The following CDH18 variants were observed in gnomAD, a reference collection of about 807,000 sequenced individuals.
CDH18 encodes the protein cadherin 18.
CDH18 carries 31 observed loss-of-function variants against 67.9 expected under a neutral mutation model. The ratio of observed to expected loss-of-function variants is 0.46; its 90% confidence interval spans 0.34 to 0.62. The LOEUF (loss-of-function observed/expected upper bound fraction) is 0.62, where lower values mean the gene tolerates loss of function less well. CDH18 is among the 20% of genes least tolerant of loss of function. The probability of loss-of-function intolerance (pLI) is 0.01; values close to 1 mark genes in which losing one functional copy is unlikely to be tolerated. For missense variants in CDH18, 890 were observed against 975.5 expected (o/e 0.91, Z 1.17); for synonymous variants, 362 against 347.2 (o/e 1.04, Z -0.48).
intron 3 of CDH18, among the ~76,000 whole-genome samples, chr5:19,822,596 C>A (rs1287422644): frequency 6.6e-6 from 1 of 152,106 alleles, no homozygotes; most frequent in Non-Finnish European, 1.5e-5. Flanking sequence ...AGCCGCAAAA[C>A]CAGCAAGTTT....
intron 2 of CDH18, among the ~76,000 whole-genome samples, chr5:19,945,209 C>G (rs1002033829): frequency 6.6e-6 from 1 of 152,110 alleles, no homozygotes; most frequent in Non-Finnish European, 1.5e-5. Flanking sequence ...CCTACATGCT[C>G]CCTTCCACCT....
At chr5:19,768,199 C>T (rs1450553080) in intron 3 of CDH18, among the ~76,000 whole-genome samples, 1 of 152,092 alleles carries the variant, frequency 6.6e-6, no homozygotes, top group East Asian at 1.9e-4. Flanking sequence ...TTACCTAATG[C>T]AAATAGCTTT....
At position 20,496,318 on chromosome 5, in the gene CDH18, T is replaced by C. The variant is rs187232526; in HGVS notation, c.-580+79144A>G. 3.7e-3 allele frequency among the ~76,000 whole-genome samples: 561 copies of C among 152,206 alleles called. 1 individual carries two copies. The highest frequency in any genetic ancestry group is 4.9e-3 in the Non-Finnish European group (335 of 67,994). On this transcript the variant is annotated intron_variant, in intron 1 of 14. Transcript: ENST00000507958. The stretch of plus-strand genomic sequence containing the variant: ...GATGTTCATGTTTTCGTTTAAAGGG[T>C]GTGACCCCAAAATTTTAAACCTAAT...
At chr5:20,368,495 G>A (rs1223284031) in intron 1 of CDH18, among the ~76,000 whole-genome samples, 1 of 152,082 alleles carries the variant, frequency 6.6e-6, no homozygotes, top group African/African-American at 2.4e-5. Flanking sequence ...AAGCTTTCTA[G>A]CATCTTTTAA....
intron 1 of CDH18, among the ~76,000 whole-genome samples, chr5:20,525,406 C>T (rs1291219961): frequency 2.0e-5 from 3 of 152,004 alleles, no homozygotes; most frequent in African/African-American, 4.8e-5. Context: ...ATGCAGGCCG[C>T]AGAATTTACA....
chr5:19,499,496 TG>T (rs1299902194), intron 11 of CDH18, among the ~76,000 whole-genome samples: 1 of 152,066 alleles, frequency 6.6e-6, no homozygotes, highest in African/African-American at 2.4e-5. Context: ...CATATCTCTA[TG>T]TGGATCTATA....
At chr5:19,877,326 A>G (rs961464572) in intron 2 of CDH18, among the ~76,000 whole-genome samples, 1 of 152,222 alleles carries the variant, frequency 6.6e-6, no homozygotes, top group African/African-American at 2.4e-5. Flanking sequence ...TGTACTTTAC[A>G]GTATGCTTTG....
At chr5:19,615,520 A>G (rs548294927) in intron 5 of CDH18, among the ~76,000 whole-genome samples, 2 of 152,272 alleles carry the variant, frequency 1.3e-5, no homozygotes, top group African/African-American at 4.8e-5. Context: ...GGTACATTTG[A>G]TACTATTGAT....
rs576942025 is a variant in CDH18 at position 20,266,010 on chromosome 5, T to A, written c.-579-10505A>T. ...TGCACCCTCTGCTTGAGCTGGGACA[T>A]CCATCTTCTCCTCCTCTTGGATAGA... On this transcript the variant is annotated intron_variant, in intron 1 of 14. Transcript: ENST00000507958. 3.3e-5 allele frequency among the ~76,000 whole-genome samples: 5 copies of A among 152,302 alleles called. No individual in the cohort carries two copies. In the South Asian group the frequency reaches 1.0e-3, roughly 32 times the overall value.
At chr5:20,164,290 T>G (rs751775310) in intron 2 of CDH18, among the ~76,000 whole-genome samples, 1 of 152,148 alleles carries the variant, frequency 6.6e-6, no homozygotes, top group African/African-American at 2.4e-5. Context: ...GTTTGTTTGT[T>G]TTTTGTATTT....
intron 1 of CDH18, among the ~76,000 whole-genome samples, chr5:20,538,169 T>C (rs1756835032): frequency 6.6e-6 from 1 of 152,022 alleles, no homozygotes; most frequent in South Asian, 2.1e-4. Flanking sequence ...TCACTATGAA[T>C]GTAAGAAATG....
At chr5:19,932,845 T>C (rs1285970158) in intron 2 of CDH18, among the ~76,000 whole-genome samples, 1 of 151,668 alleles carries the variant, frequency 6.6e-6, no homozygotes, top group Admixed American at 6.6e-5. Flanking sequence ...TAGACTAAAT[T>C]GTGACACTGA....
At chr5:20,189,397 G>T (rs10059256) in intron 2 of CDH18, among the ~76,000 whole-genome samples, 1 of 151,890 alleles carries the variant, frequency 6.6e-6, no homozygotes, top group Non-Finnish European at 1.5e-5. Flanking sequence ...CCCCTAGCTT[G>T]GAAAGTTCTC....
intron 2 of CDH18, among the ~76,000 whole-genome samples, chr5:20,194,274 T>C (rs1003323837): frequency 6.6e-6 from 1 of 152,114 alleles, no homozygotes; most frequent in Non-Finnish European, 1.5e-5. Flanking sequence ...AGTCTCAGGA[T>C]ACAAAATCAA....
chr5:19,865,122 G>A (rs2149996846), intron 2 of CDH18, among the ~76,000 whole-genome samples: 1 of 152,186 alleles, frequency 6.6e-6, no homozygotes, highest in African/African-American at 2.4e-5. Flanking sequence ...TCCTGAGGAT[G>A]ATTTCGCTTT....
intron 9 of CDH18, among the ~76,000 whole-genome samples, chr5:19,533,552 T>A (rs1748977903): frequency 6.6e-6 from 1 of 152,190 alleles, no homozygotes; most frequent in South Asian, 2.1e-4. Context: ...GAATTAATTT[T>A]ATTTTCAGAT....
At chr5:20,351,004 C>T (rs1035734803) in intron 1 of CDH18, among the ~76,000 whole-genome samples, 4 of 151,962 alleles carry the variant, frequency 2.6e-5, no homozygotes, top group African/African-American at 9.7e-5. Context: ...TTTTCATACT[C>T]ATTTTCATCA....
chr5:19,961,228 G>A (rs1208566820), intron 2 of CDH18, among the ~76,000 whole-genome samples: 3 of 150,232 alleles, frequency 2.0e-5, no homozygotes, highest in African/African-American at 7.4e-5. Flanking sequence ...TCAGCCTCCC[G>A]AGTAGCTGGG....
intron 2 of CDH18, among the ~76,000 whole-genome samples, chr5:20,201,450 A>G (rs562306840): frequency 6.6e-6 from 1 of 152,214 alleles, no homozygotes; most frequent in Admixed American, 6.5e-5. Flanking sequence ...GCAAAATAGG[A>G]TTGCAATATG....
Sources: gnomAD v4.1 joint callset for allele counts (sites outside exome capture counted in the v4.1 genomes callset) on GRCh38, gnomAD v4.1.1 for gene constraint, MANE v1.5 for transcripts, NCBI Gene and HGNC (gene_info 2026-07-23, HGNC 2026-07-21) for gene names.